Variants in SLC24A2 observed in about 807,000 individuals in gnomAD.
SLC24A2 encodes sodium/potassium/calcium exchanger 2.
A neutral mutation model predicts 62.0 loss-of-function variants in SLC24A2; 36 were observed. That is an observed-to-expected ratio of 0.58 (90% CI 0.44 to 0.77). The LOEUF (loss-of-function observed/expected upper bound fraction) is 0.77. SLC24A2 is among the 30% of genes least tolerant of loss of function. The probability of loss-of-function intolerance (pLI) is 0.00; values close to 1 mark genes in which losing one functional copy is unlikely to be tolerated. For missense variants in SLC24A2, 846 were observed against 817.9 expected (o/e 1.03, Z -0.42); for synonymous variants, 358 against 294.0 (o/e 1.22, Z -2.23).
intron 8 of SLC24A2, among the ~76,000 whole-genome samples, chr9:19,532,743 C>G (rs1377511501): frequency 2.0e-5 from 3 of 152,162 alleles, no homozygotes; most frequent in Admixed American, 2.0e-4. Context: ...CCTTGTTAGA[C>G]CTTGCTTGGC....
At chr9:19,958,371 G>T in the SLC24A2 span, among the ~76,000 whole-genome samples, 1 of 152,180 alleles carries the variant, frequency 6.6e-6, no homozygotes, top group Non-Finnish European at 1.5e-5. Context: ...AATTAGCAAG[G>T]CTTCCCTGGT....
the SLC24A2 span, among the ~76,000 whole-genome samples, chr9:19,889,285 T>C: frequency 6.6e-6 from 1 of 152,214 alleles, no homozygotes; most frequent in African/African-American, 2.4e-5. Context: ...ATAATCCACC[T>C]GAACTCCATT....
the SLC24A2 span, among the ~76,000 whole-genome samples, chr9:20,170,463 T>A: frequency 1.7e-4 from 26 of 152,112 alleles, 1 homozygote; most frequent in African/African-American, 5.8e-4. Context: ...GCCGATTGGC[T>A]ACTTGAAAAT....
chr9:20,011,041 G>A, the SLC24A2 span, among the ~76,000 whole-genome samples: 1 of 152,044 alleles, frequency 6.6e-6, no homozygotes. Context: ...CCAGGTCTTT[G>A]CTATTTTGAA....
intron 10 of SLC24A2, among the ~76,000 whole-genome samples, chr9:19,517,274 C>T (rs1277926015): frequency 1.3e-5 from 2 of 152,174 alleles, no homozygotes; most frequent in African/African-American, 4.8e-5. Context: ...GCATCTGGCT[C>T]TACCCATCAG....
the SLC24A2 span, among the ~76,000 whole-genome samples, chr9:19,859,187 T>C: frequency 6.6e-6 from 1 of 152,210 alleles, no homozygotes; most frequent in Non-Finnish European, 1.5e-5. Flanking sequence ...TGAGATCATA[T>C]TCTTTGCAGA....
the SLC24A2 span, among the ~76,000 whole-genome samples, chr9:20,148,851 G>C: frequency 3.3e-5 from 5 of 152,068 alleles, no homozygotes; most frequent in Admixed American, 3.3e-4. Context: ...CAGCTGGTAA[G>C]TCACCCAGAA....
the SLC24A2 span, among the ~76,000 whole-genome samples, chr9:20,195,469 T>A: frequency 1.3e-5 from 2 of 152,174 alleles, no homozygotes; most frequent in Admixed American, 1.3e-4. Flanking sequence ...TATTGACCAT[T>A]TGGATTTCTT....
At chr9:19,562,292 T>A (rs1190569950) in intron 7 of SLC24A2, among the ~76,000 whole-genome samples, 1 of 152,206 alleles carries the variant, frequency 6.6e-6, no homozygotes, top group Non-Finnish European at 1.5e-5. Flanking sequence ...ATTAAAATTA[T>A]TAGAAATACT....
At chr9:19,880,817 T>C in the SLC24A2 span, among the ~76,000 whole-genome samples, 1 of 152,118 alleles carries the variant, frequency 6.6e-6, no homozygotes, top group African/African-American at 2.4e-5. Flanking sequence ...ACCAAAGATT[T>C]TCAATGTACA....
At chr9:19,556,203 G>GAT (rs1835079583) in intron 7 of SLC24A2, among the ~76,000 whole-genome samples, 1 of 152,192 alleles carries the variant, frequency 6.6e-6, no homozygotes, top group South Asian at 2.1e-4. Context: ...ATAGCATCAT[G>GAT]ATAATCCATT....
At chr9:20,217,695 C>G in the SLC24A2 span, among the ~76,000 whole-genome samples, 3 of 152,172 alleles carry the variant, frequency 2.0e-5, no homozygotes, top group Non-Finnish European at 4.4e-5. Context: ...TGTAACAGCG[C>G]TACCCAAGTC....
At chr9:20,055,471 A>G in the SLC24A2 span, among the ~76,000 whole-genome samples, 2 of 152,150 alleles carry the variant, frequency 1.3e-5, no homozygotes, top group Admixed American at 6.5e-5. Flanking sequence ...GGGGGTGTAA[A>G]TTTCATAACA....
intron 2 of SLC24A2, among the ~76,000 whole-genome samples, chr9:19,680,457 T>A (rs996640440): frequency 6.6e-6 from 1 of 152,088 alleles, no homozygotes; most frequent in Non-Finnish European, 1.5e-5. Flanking sequence ...GAGGTTTGGG[T>A]CTGCCACAGC....
chr9:19,659,126 C>T (rs559465221), intron 2 of SLC24A2, among the ~76,000 whole-genome samples: 3 of 152,162 alleles, frequency 2.0e-5, no homozygotes, highest in African/African-American at 4.8e-5. Context: ...CAATATGAGT[C>T]GAGTCCTTAG....
chr9:19,574,682 A>G (rs1835954330), intron 6 of SLC24A2, among the ~76,000 whole-genome samples: 2 of 152,216 alleles, frequency 1.3e-5, no homozygotes. Context: ...GATCTTTATT[A>G]TAGTGCCTGC....
chr9:20,209,571 C>T, the SLC24A2 span, among the ~76,000 whole-genome samples: 1 of 152,182 alleles, frequency 6.6e-6, no homozygotes, highest in African/African-American at 2.4e-5. Flanking sequence ...CTCACCAACA[C>T]CCCCAGACTG....
intron 10 of SLC24A2, among the ~76,000 whole-genome samples, chr9:19,518,236 A>G (rs1833029479): frequency 1.3e-5 from 2 of 152,190 alleles, no homozygotes; most frequent in Admixed American, 1.3e-4. Flanking sequence ...AGCTGTTTAA[A>G]AAATCACAAG....
chr9:19,730,251 T>G (rs545573488), intron 2 of SLC24A2, among the ~76,000 whole-genome samples: 1 of 152,182 alleles, frequency 6.6e-6, no homozygotes, highest in East Asian at 1.9e-4. Context: ...AAAATTTATC[T>G]TGAAGGTAAC....
Sources: allele counts gnomAD v4.1 joint callset (sites outside exome capture counted in the v4.1 genomes callset), GRCh38; gene constraint gnomAD v4.1.1; transcripts MANE v1.5; gene names NCBI Gene and HGNC (gene_info 2026-07-23, HGNC 2026-07-21).